ATXN1: variants seen among roughly 807,000 people sequenced by gnomAD.
The protein encoded by ATXN1 is ataxin 1.
ATXN1 carries 8 observed loss-of-function variants against 56.4 expected under a neutral mutation model. The observed-to-expected ratio is 0.14, with a 90% CI of 0.08 to 0.26. The LOEUF is 0.26. Ranked by LOEUF, ATXN1 falls within the 10% of genes least tolerant of loss-of-function variation. ATXN1 has a pLI of 1.00. For synonymous variants in ATXN1, 514 were observed against 494.6 expected, an observed-to-expected ratio of 1.04 and a Z score of -0.52; for missense variants, 987 against 1,106.5, an observed-to-expected ratio of 0.89 and a Z score of 1.53.
At chr6:16,728,743 A>G (rs967423309) in intron 2 of ATXN1, among the ~76,000 whole-genome samples, 1 of 152,196 alleles carries the variant, frequency 6.6e-6, no homozygotes, top group Admixed American at 6.5e-5. Context: ...GGACTTGGCC[A>G]AGGTGGTAAA....
intron 3 of ATXN1, among the ~76,000 whole-genome samples, chr6:16,632,244 C>T (rs547691477): frequency 6.6e-6 from 1 of 152,160 alleles, no homozygotes; most frequent in Non-Finnish European, 1.5e-5. Flanking sequence ...CTTCCTGGGG[C>T]AGTGAGACAC....
intron 6 of ATXN1, among the ~76,000 whole-genome samples, chr6:16,418,317 T>G (rs1450606656): frequency 1.3e-5 from 2 of 152,172 alleles, no homozygotes; most frequent in African/African-American, 4.8e-5. Flanking sequence ...TGGCAAAAAC[T>G]CCTTGCATTT....
In ATXN1 at chr6:16,313,253, C is replaced by T. The variant is rs138038301; in HGVS notation, c.1918-6394G>A. On this transcript the variant is annotated intron_variant, in intron 7 of 7. Transcript: ENST00000436367. ...GGCTTTCCCAATAAACCTGCTTTTCCTCTCACCAACCTCATCTCTCGTATT... is the reference window on the plus strand; with the variant it reads ...GGCTTTCCCAATAAACCTGCTTTTCTTCTCACCAACCTCATCTCTCGTATT... 4.3e-3 allele frequency among the ~76,000 whole-genome samples: 661 copies of T among 152,278 alleles called. 3 individuals carry two copies. Among genetic ancestry groups the T allele is most frequent in the African/African-American group, 0.015 (607 of 41,554 alleles).
At chr6:16,577,444 AACCTG>A (rs1460748752) in intron 4 of ATXN1, among the ~76,000 whole-genome samples, 2 of 151,682 alleles carry the variant, frequency 1.3e-5, no homozygotes, top group South Asian at 4.2e-4. Context: ...GGATTGCTTG[AACCTG>A]GGAGGCAGAG....
intron 6 of ATXN1, among the ~76,000 whole-genome samples, chr6:16,479,598 G>A (rs1169704138): frequency 6.6e-6 from 1 of 152,156 alleles, no homozygotes. Context: ...TTTATGTGTT[G>A]TTAAGAACCA....
At chr6:16,672,357 A>G (rs986369839) in intron 2 of ATXN1, among the ~76,000 whole-genome samples, 1 of 152,214 alleles carries the variant, frequency 6.6e-6, no homozygotes, top group Non-Finnish European at 1.5e-5. Flanking sequence ...TTAAAAACCC[A>G]TTTTTATAAC....
chr6:16,579,777 G>T (rs1167909763), intron 4 of ATXN1, among the ~76,000 whole-genome samples: 3 of 152,088 alleles, frequency 2.0e-5, no homozygotes, highest in Admixed American at 2.0e-4. Context: ...CATTGACTAT[G>T]TGCCAGGCCA....
chr6:16,706,688 CG>C (rs1759414238), intron 2 of ATXN1, among the ~76,000 whole-genome samples: 1 of 148,534 alleles, frequency 6.7e-6, no homozygotes, highest in Admixed American at 6.7e-5. Flanking sequence ...TGCACCATTG[CG>C]CTCCAGCCTG....
intron 4 of ATXN1, among the ~76,000 whole-genome samples, chr6:16,525,506 G>T (rs1407148411): frequency 6.6e-6 from 1 of 152,108 alleles, no homozygotes; most frequent in Non-Finnish European, 1.5e-5. Flanking sequence ...AGAGTAGGAG[G>T]ATGGCTACCA....
chr6:16,458,799 C>A (rs235162), intron 6 of ATXN1, among the ~76,000 whole-genome samples: 134,471 of 152,244 alleles, frequency 0.88, 59,497 homozygotes, highest in East Asian at 0.97. Flanking sequence ...AATCACTAGA[C>A]GGGGTACTGC....
intron 2 of ATXN1, among the ~76,000 whole-genome samples, chr6:16,733,741 G>A (rs905536763): frequency 1.3e-5 from 2 of 152,232 alleles, no homozygotes; most frequent in Non-Finnish European, 2.9e-5. Flanking sequence ...CAGCTACTTG[G>A]GAGGCTGAGG....
intron 7 of ATXN1, among the ~76,000 whole-genome samples, chr6:16,319,773 C>T (rs537459561): frequency 6.6e-6 from 1 of 151,952 alleles, no homozygotes; most frequent in East Asian, 1.9e-4. Context: ...TAAACAACAA[C>T]AGTCTGAGAG....
chr6:16,624,030 T>C (rs1232411756), intron 3 of ATXN1, among the ~76,000 whole-genome samples: 2 of 152,140 alleles, frequency 1.3e-5, no homozygotes, highest in Non-Finnish European at 2.9e-5. Context: ...TGCTATTTAA[T>C]GGGTAGAATT....
intron 4 of ATXN1, among the ~76,000 whole-genome samples, chr6:16,574,229 G>A (rs1372931231): frequency 3.3e-5 from 5 of 151,982 alleles, no homozygotes; most frequent in African/African-American, 4.8e-5. Flanking sequence ...TATTTGAGAC[G>A]GAGTCTCGCT....
chr6:16,630,253 A>G lies in ATXN1; in HGVS notation c.-489+27523T>C, dbSNP rs960993033. 3.9e-5 allele frequency among the ~76,000 whole-genome samples: 6 copies of G among 152,352 alleles called. No homozygotes were observed. The South Asian group carries it at 6.2e-4, about 16-fold the overall frequency. The stretch of plus-strand genomic sequence containing the variant: ...ATTGTATGACTCTCTTGAGGCAAAC[A>G]GGAAAAACCTGTATCTGCCCTCAAG... On this transcript the variant is annotated intron_variant, in intron 3 of 7. Coordinates refer to ENST00000436367, the MANE Select transcript of ATXN1 (RefSeq NM_001128164.2).
At chr6:16,741,523 G>C (rs1261811476) in intron 2 of ATXN1, among the ~76,000 whole-genome samples, 1 of 152,176 alleles carries the variant, frequency 6.6e-6, no homozygotes, top group African/African-American at 2.4e-5. Context: ...AGGGCAAAAA[G>C]TTAAATTAAG....
rs1561748872 is a variant in ATXN1 at position 16,545,796 on chromosome 6, T to TAA, written c.-360-23109_-360-23108insTT. On this transcript the variant is annotated intron_variant, in intron 4 of 7. Coordinates refer to ENST00000436367, the MANE Select transcript of ATXN1 (RefSeq NM_001128164.2). ...GTGGCACTTGGTAGCAAAGAAAGCC[T>TAA]GAAAATATTCACATTTAGTGAATGC... Among the ~76,000 whole-genome samples the TAA allele has an allele frequency of 2.0e-5, 3 of 152,356 alleles. No homozygotes were observed. In the East Asian group the frequency reaches 5.8e-4, roughly 29 times the overall value.
intron 3 of ATXN1, among the ~76,000 whole-genome samples, chr6:16,600,542 T>C (rs751056095): frequency 2.3e-4 from 35 of 152,210 alleles, no homozygotes; most frequent in Non-Finnish European, 3.8e-4. Context: ...ATTGTCTGAT[T>C]ATTCTAAATT....
chr6:16,579,481 C>CCCA (rs1762484577), intron 4 of ATXN1, among the ~76,000 whole-genome samples: 1 of 23,864 alleles, frequency 4.2e-5, no homozygotes. Context: ...TTGGTCAAAG[C>CCCA]CCCCCCCCCC....
Sources: gnomAD v4.1 joint callset for allele counts (sites outside exome capture counted in the v4.1 genomes callset) on GRCh38, gnomAD v4.1.1 for gene constraint, MANE v1.5 for transcripts, NCBI Gene and HGNC (gene_info 2026-07-23, HGNC 2026-07-21) for gene names.